The following ARMC10 variants were observed in gnomAD, a reference collection of about 807,000 sequenced individuals.
ARMC10 encodes the protein armadillo repeat containing 10, also known as armadillo repeat-containing protein 10.
ARMC10 carries 23 observed loss-of-function variants against 30.2 expected under a neutral mutation model. The ratio of observed to expected loss-of-function variants is 0.76; its 90% CI spans 0.55 to 1.08. ARMC10 has a LOEUF of 1.08. Ranked by LOEUF, ARMC10 falls within the 50% of genes least tolerant of loss-of-function variation. The probability of loss-of-function intolerance (pLI) is 0.00; values close to 1 mark genes in which losing one functional copy is unlikely to be tolerated. For missense variants in ARMC10, 303 were observed against 413.7 expected, an observed-to-expected ratio of 0.73 and a Z score of 2.32; for synonymous variants, 111 against 164.4, an observed-to-expected ratio of 0.68 and a Z score of 2.48.
At chr7:103,095,301 C>T (rs1307486774) in intron 5 of ARMC10, among the ~76,000 whole-genome samples, 1 of 152,110 alleles carries the variant, frequency 6.6e-6, no homozygotes, top group Admixed American at 6.6e-5. Context: ...GCCATGTTGC[C>T]CATGTTGCTC....
intron 4 of ARMC10, among the ~76,000 whole-genome samples, chr7:103,087,217 T>C (rs1447143286): frequency 2.0e-5 from 3 of 152,216 alleles, no homozygotes; most frequent in Non-Finnish European, 4.4e-5. Context: ...TTAAGTGTAC[T>C]GTATGAGTGT....
chr7:103,086,913 A>G, intron 4 of ARMC10, 149 bp downstream of exon 4: 1 of 1,512,748 alleles, frequency 6.6e-7, no homozygotes. Flanking sequence ...CAGAAGAGGG[A>G]GGGACCTGAA....
chr7:103,098,774 G>A lies in ARMC10; in HGVS notation c.*221G>A, dbSNP rs1245830809. On this transcript the variant is annotated 3_prime_UTR_variant, in exon 7 of 7. Transcript: ENST00000323716. ...GAAACCATTTATTTCTTTCTATTTT[G>A]CTATTTGCAAATGCTTGTTATCTTC... The A allele has an allele frequency of 3.1e-5, 15 of 478,782 alleles. No individual in the cohort carries two copies. Among genetic ancestry groups the A allele is most frequent in the Non-Finnish European group, 4.4e-5 (13 of 292,286 alleles). The allele number at this position is 478,782 out of a possible 1,614,324, so 29.7% of individuals were successfully genotyped here.
chr7:103,078,409 T>C (rs1462415357), intron 2 of ARMC10, among the ~76,000 whole-genome samples: 4 of 152,218 alleles, frequency 2.6e-5, no homozygotes, highest in Non-Finnish European at 5.9e-5. Flanking sequence ...CTGATGGTTT[T>C]ATTAGGGGCT....
rs931793360 is a variant in ARMC10, at chr7:103,075,202, G to A, written c.-71G>A. The A allele has an allele frequency of 9.2e-6, 10 of 1,089,430 alleles. No homozygotes were observed. Among genetic ancestry groups the A allele is most frequent in the Non-Finnish European group, 1.0e-5 (9 of 890,040 alleles). 67.5% of individuals were successfully genotyped at this position (1,089,430 alleles called of 1,614,324 possible). On this transcript the variant is annotated 5_prime_UTR_variant, in exon 1 of 7. Coordinates refer to ENST00000323716, the MANE Select transcript of ARMC10 (RefSeq NM_031905.5). Reference sequence around the variant, plus strand: ...TGTGGCGGCTAGGCCCGCGTGCGCTGGAGACCTCCGCGCTGGCCCCCGCGA... The same window carrying A: ...TGTGGCGGCTAGGCCCGCGTGCGCTAGAGACCTCCGCGCTGGCCCCCGCGA...
chr7:103,096,059 A>C (rs1401134593), intron 5 of ARMC10: 2 of 152,196 alleles, frequency 1.3e-5, no homozygotes, highest in African/African-American at 4.8e-5. Flanking sequence ...CATTGTGCAC[A>C]TGTACCCTAA....
At chr7:103,091,679 A>T (rs1001359407) in intron 4 of ARMC10, among the ~76,000 whole-genome samples, 1 of 68,094 alleles carries the variant, frequency 1.5e-5, no homozygotes, top group African/African-American at 3.2e-5. Flanking sequence ...TTACTATGAT[A>T]CAAAATGGCC....
intron 2 of ARMC10, chr7:103,081,909 G>A (rs764274667): frequency 3.1e-5 from 14 of 456,632 alleles, no homozygotes; most frequent in South Asian, 1.5e-4. Context: ...CCCAAAAATA[G>A]TAAGTGACTT....
rs907202108 is a variant in ARMC10, at chr7:103,095,226, T to C, written c.706-2051T>C. Reference sequence around the variant, plus strand: ...AACAATCCTCCTACCTCAGCCTCCCTGGGACTTTGGTCACATGCCACCACG... The same window carrying C: ...AACAATCCTCCTACCTCAGCCTCCCCGGGACTTTGGTCACATGCCACCACG... On this transcript the variant is annotated intron_variant, in intron 5 of 6. Transcript: ENST00000323716. Among the ~76,000 whole-genome samples, 3 of 152,294 alleles carry C rather than the reference T, an allele frequency of 2.0e-5. No individual in the cohort carries two copies. In the Middle Eastern group the frequency reaches 0.01, roughly 518 times the overall value.
Position 103,075,846 on chromosome 7 carries a change from C to T in ARMC10, c.209C>T (p.Thr70Ile). 1.9e-6 allele frequency: 3 copies of T among 1,610,984 alleles called. No homozygotes were observed. The highest frequency in any genetic ancestry group is 2.5e-6 in the Non-Finnish European group (3 of 1,178,726). ...TCGGCCCGGCCTCAGACGGGAGGTA[C>T]CTGGGAGTCACAGTGGTCCAAGACC... is the stretch of plus-strand genomic sequence containing the variant. The part of the protein sequence containing the change: ...GRSARPQTGG[T>I]WESQWSKTSQ... The change falls in exon 2 of 7, where the codon ACC (threonine) becomes ATC (isoleucine). Residue 70 changes from threonine to isoleucine, a missense_variant. Physicochemically the swap from Thr to Ile is moderately conservative, Grantham distance 89. Transcript: ENST00000323716.
intron 4 of ARMC10, among the ~76,000 whole-genome samples, chr7:103,092,060 CAG>C (rs1417730291): frequency 1.3e-5 from 2 of 152,148 alleles, no homozygotes; most frequent in Admixed American, 6.5e-5. Context: ...TGGCCGGGCA[CAG>C]TGGCTCACGC....
chr7:103,078,380 G>A (rs189905106), intron 2 of ARMC10, among the ~76,000 whole-genome samples: 4 of 152,172 alleles, frequency 2.6e-5, no homozygotes, highest in African/African-American at 4.8e-5. Flanking sequence ...TGCTCTTCTC[G>A]TGATAGTTCT....
chr7:103,077,864 G>A (rs1585717795), intron 2 of ARMC10, among the ~76,000 whole-genome samples: 1 of 152,274 alleles, frequency 6.6e-6, no homozygotes, highest in East Asian at 1.9e-4. Context: ...ATTATCTTAG[G>A]TAAGGCAGCT....
intron 4 of ARMC10, among the ~76,000 whole-genome samples, 183 bp from the exon 5 acceptor site, chr7:103,092,294 C>T (rs1434539532): frequency 7.8e-6 from 1 of 128,346 alleles, no homozygotes; most frequent in African/African-American, 2.9e-5. Context: ...GATTGCGCCA[C>T]TGAACTCCAG....
intron 3 of ARMC10, among the ~76,000 whole-genome samples, chr7:103,085,761 C>T (rs1336530714): frequency 6.6e-6 from 1 of 152,054 alleles, no homozygotes; most frequent in African/African-American, 2.4e-5. Context: ...ATTACAGGCA[C>T]TGGCCACCAC....
intron 3 of ARMC10, 71 bp downstream of exon 3, chr7:103,083,901 A>G: frequency 6.4e-7 from 1 of 1,564,944 alleles, no homozygotes; most frequent in South Asian, 1.1e-5. Context: ...ACCCTGAATA[A>G]ATTACTTAAC....
At chr7:103,084,558 TTTAAA>T (rs1373090648) in intron 3 of ARMC10, among the ~76,000 whole-genome samples, 1 of 152,224 alleles carries the variant, frequency 6.6e-6, no homozygotes, top group Non-Finnish European at 1.5e-5. Flanking sequence ...CAGAATTCAC[TTTAAA>T]TTATTTTAAG....
chr7:103,097,127 G>T (rs535458970), intron 5 of ARMC10, 150 bp from the exon 6 acceptor site: 14 of 670,314 alleles, frequency 2.1e-5, no homozygotes, highest in Non-Finnish European at 3.7e-5. Flanking sequence ...TAGAATGAAC[G>T]GAGAAGGTTT....
rs116266287 is a variant in ARMC10, at chr7:103,086,517, G to T, written c.394-113G>T. 2,681 of 1,183,746 alleles carry T rather than the reference G, an allele frequency of 2.3e-3. 47 individuals are homozygous for T. In the African/African-American group the frequency reaches 0.039, roughly 17 times the overall value. 73.3% of individuals were successfully genotyped at this position (1,183,746 alleles called of 1,614,324 possible). A position where few individuals can be genotyped will look rare whatever the true frequency, so the allele number is the denominator to read the frequency against. ...ATTAAATATTTGTATATGGGAAAGA[G>T]ATTTCCAAAAAGCCGTTGATTTTTA... On this transcript the variant is annotated intron_variant, in intron 3 of 6. Coordinates refer to ENST00000323716, the MANE Select transcript of ARMC10 (RefSeq NM_031905.5).
Sources: gnomAD v4.1 joint callset for allele counts (sites outside exome capture counted in the v4.1 genomes callset) on GRCh38, gnomAD v4.1.1 for gene constraint, MANE v1.5 for transcripts, NCBI Gene and HGNC (gene_info 2026-07-23, HGNC 2026-07-21) for gene names.